The following FBN3 variants were observed in gnomAD, a reference collection of about 807,000 sequenced individuals.
FBN3 encodes the protein fibrillin 3.
FBN3 carries 234 observed loss-of-function variants against 330.1 expected under a neutral mutation model. The ratio of observed to expected loss-of-function variants is 0.71; its 90% confidence interval spans 0.64 to 0.79. FBN3 has a LOEUF of 0.79. FBN3 is among the 30% of genes least tolerant of loss of function. The pLI is 0.00. For synonymous variants in FBN3, 1,458 were observed against 1,517.3 expected, an observed-to-expected ratio of 0.96 and a Z score of 0.91; for missense variants, 3,606 against 3,886.9, an observed-to-expected ratio of 0.93 and a Z score of 1.92.
intron 54 of FBN3, among the ~76,000 whole-genome samples, 191 bp downstream of exon 54, chr19:8,086,886 T>TCC (rs755216661): frequency 6.7e-6 from 1 of 149,810 alleles, no homozygotes; most frequent in South Asian, 2.1e-4. Flanking sequence ...CCACTGCCTG[T>TCC]CCCCCCCCAC....
At position 8,096,154 on chromosome 19, in the gene FBN3, T is replaced by C; in HGVS notation, c.5540-74A>G. On this transcript the variant is annotated intron_variant, in intron 44 of 63. Transcript: ENST00000600128. The surrounding 1 kb of genome is among the most constrained non-coding windows in gnomAD (Gnocchi z 4.6). ...GGAACTTGGGGAGTGAGAGGCCAGC[T>C]GGACCTAGCACTCCTCCCCTGCACC... The C allele has an allele frequency of 8.8e-7, 1 of 1,142,034 alleles. No individual in the cohort carries two copies. The highest frequency in any genetic ancestry group is 1.3e-6 in the Non-Finnish European group (1 of 752,130). 70.7% of individuals were successfully genotyped at this position (1,142,034 alleles called of 1,614,324 possible). A position where few individuals can be genotyped will look rare whatever the true frequency, so the allele number is the denominator to read the frequency against.
rs73007464 is a variant in FBN3 at position 8,109,336 on chromosome 19, G to A, written c.4509C>T (p.Gly1503=). ...FLETHDRGDS[G]ISCSAEIGVG... Reference sequence around the variant, plus strand: ...CTCCGATCTCGGCACTGCAGGAAATGCCACTGTCCCCTCGGTCATGCGTCT... The same window carrying A: ...CTCCGATCTCGGCACTGCAGGAAATACCACTGTCCCCTCGGTCATGCGTCT... Residue 1503 remains glycine, a synonymous_variant, in exon 36 of 64, where the codon GGC becomes GGT. Transcript: ENST00000600128. The surrounding 1 kb of genome is among the most constrained non-coding windows in gnomAD (Gnocchi z 5.2). 1.2e-6 allele frequency: 2 copies of A among 1,614,056 alleles called. No homozygotes were observed. The highest frequency in any genetic ancestry group is 3.3e-5 in the Admixed American group (2 of 59,996).
chr19:8,139,270 C>A (rs1246761934), intron 8 of FBN3, among the ~76,000 whole-genome samples: 1 of 152,150 alleles, frequency 6.6e-6, no homozygotes, highest in Non-Finnish European at 1.5e-5. Flanking sequence ...TCACTTCAAC[C>A]TGGGAGGCAG....
At position 8,097,401 on chromosome 19, in the gene FBN3, A is replaced by G; in HGVS notation, c.5175T>C (p.Cys1725=). 2 of 1,596,290 alleles carry G rather than the reference A, an allele frequency of 1.3e-6. No individual in the cohort carries two copies. Among genetic ancestry groups the G allele is most frequent in the Non-Finnish European group, 1.7e-6 (2 of 1,165,244 alleles). Reference sequence around the variant, plus strand: ...TGGCACAGATGGCGGGGATCTCCCCACACTCATCAATGTCTGCAGAAGGCA... The same window carrying G: ...TGGCACAGATGGCGGGGATCTCCCCGCACTCATCAATGTCTGCAGAAGGCA... ...HTGKPLDIDE[C]GEIPAICANG... is the part of the protein sequence containing the mutation. Residue 1725 remains cysteine, a synonymous_variant, in exon 42 of 64, where the codon TGT becomes TGC. Transcript: ENST00000600128.
At chr19:8,088,235 G>A in intron 51 of FBN3, 56 bp from the exon 52 acceptor site, 1 of 1,531,898 alleles carries the variant, frequency 6.5e-7, no homozygotes, top group Non-Finnish European at 8.8e-7. Flanking sequence ...ATCCTCAGTA[G>A]CATCCCATCT....
Position 8,145,887 on chromosome 19 carries a change from G to A in FBN3, c.401C>T (p.Ser134Phe). The A allele has an allele frequency of 6.4e-7, 1 of 1,551,236 alleles. No individual in the cohort carries two copies. The highest frequency in any genetic ancestry group is 8.7e-7 in the Non-Finnish European group (1 of 1,146,996). The change falls in exon 5 of 64, where the codon TCC becomes TTC. Residue 134 changes from serine to phenylalanine, a missense_variant. Coordinates refer to ENST00000600128, the MANE Select transcript of FBN3 (RefSeq NM_032447.5). ...CMNGGTCRGA[S>F]CLCQKGYTGT... ...TGTGTAGCCCTTCTGACACAGACAG[G>A]ACGCCCCCCGGCAGGTGCCCCCATT...
chr19:8,123,766 C>T lies in FBN3; in HGVS notation c.2956+18G>A, dbSNP rs775759495. 3.0e-5 allele frequency: 48 copies of T among 1,612,398 alleles called. No individual in the cohort carries two copies. The East Asian group carries it at 1.0e-3, about 35-fold the overall frequency. ...CCTCCCCATCCTTCCAGGGGCCTGA[C>T]CCCTTCCCCAACCGCACCTTTATAG... On this transcript the variant is annotated intron_variant, in intron 23 of 63. Coordinates refer to ENST00000600128, the MANE Select transcript of FBN3 (RefSeq NM_032447.5).
At chr19:8,102,193 T>C (rs1452002462) in intron 40 of FBN3, among the ~76,000 whole-genome samples, 3 of 151,880 alleles carry the variant, frequency 2.0e-5, no homozygotes, top group East Asian at 1.9e-4. Context: ...TGCGAGTCCA[T>C]TAAAGTCCTC....
At chr19:8,091,944 G>C (rs1361639699) in intron 47 of FBN3, among the ~76,000 whole-genome samples, 2 of 152,192 alleles carry the variant, frequency 1.3e-5, no homozygotes, top group African/African-American at 2.4e-5. Context: ...CACTTTGGGA[G>C]GTGGAGGCGG....
chr19:8,137,202 C>A (rs887511401), intron 10 of FBN3, among the ~76,000 whole-genome samples: 1 of 151,638 alleles, frequency 6.6e-6, no homozygotes, highest in Non-Finnish European at 1.5e-5. Context: ...TAGATCCCTC[C>A]AACCTGGGGC....
intron 51 of FBN3, among the ~76,000 whole-genome samples, chr19:8,088,548 T>C (rs1251339110): frequency 1.3e-5 from 2 of 151,922 alleles, no homozygotes; most frequent in Admixed American, 6.6e-5. Flanking sequence ...AAAAAACATA[T>C]AAATGAGTAA....
At chr19:8,082,376 TTCTC>T (rs1359347576) in intron 57 of FBN3, among the ~76,000 whole-genome samples, 6 of 138,042 alleles carry the variant, frequency 4.3e-5, no homozygotes, top group African/African-American at 1.8e-4. Context: ...TTTTCTTTCT[TTCTC>T]TTCTTTCTTC....
intron 48 of FBN3, 38 bp from the exon 49 acceptor site, chr19:8,090,289 G>T (rs12459760): frequency 1.2e-6 from 2 of 1,609,360 alleles, no homozygotes; most frequent in Non-Finnish European, 1.7e-6. Flanking sequence ...ATTGAAAGCC[G>T]CTGGCAGTGC....
Position 8,087,939 on chromosome 19 carries a change from C to T in FBN3, c.6505G>A (p.Glu2169Lys), listed in dbSNP as rs144478192. 1.8e-5 allele frequency: 29 copies of T among 1,613,972 alleles called. No homozygotes were observed. The African/African-American group carries it at 2.4e-4, about 13-fold the overall frequency. The change falls in exon 53 of 64, where the codon GAA (glutamate) becomes AAA (lysine). Residue 2169 changes from glutamate (E) to lysine (K), a missense_variant. Physicochemically the swap from Glu to Lys is moderately conservative, Grantham distance 56. Coordinates refer to ENST00000600128, the MANE Select transcript of FBN3 (RefSeq NM_032447.5). ...GLMMTCEDID[E>K]CSLNPLLCAF... ...CAGAGCAGCGGGTTCAGGGAGCATT[C>T]GTCGATGTCTGGGGAGGCCAGTGGA...
At chr19:8,123,712 C>T in intron 23 of FBN3, 72 bp downstream of exon 23, 1 of 1,594,778 alleles carries the variant, frequency 6.3e-7, no homozygotes, top group Non-Finnish European at 8.6e-7. Flanking sequence ...ACACACTTCC[C>T]ATCTCCAGGC....
intron 12 of FBN3, 26 bp downstream of exon 12, chr19:8,136,164 C>T: frequency 6.2e-7 from 1 of 1,613,596 alleles, no homozygotes; most frequent in African/African-American, 1.3e-5. Flanking sequence ...ACAACATCAC[C>T]CCTACTCTTG....
Position 8,118,924 on chromosome 19 carries a change from G to A in FBN3, c.3310C>T (p.Leu1104=), listed in dbSNP as rs112174176. The A allele has an allele frequency of 6.9e-4, 1,117 of 1,613,096 alleles. 14 individuals are homozygous for A. The African/African-American group carries it at 0.013, about 19-fold the overall frequency. ...TCACAGGCAGTGCCCTTGGCCGTCAGCTCATGCCCAGGGGGACACTGGCAC... is the reference window on the plus strand; with the variant it reads ...TCACAGGCAGTGCCCTTGGCCGTCAACTCATGCCCAGGGGGACACTGGCAC... ...YKCQCPPGHE[L]TAKGTACEDI... is the part of the protein sequence containing the mutation. The change falls in exon 26 of 64, where the codon CTG becomes TTG. Residue 1104 remains leucine, a synonymous_variant. Coordinates refer to ENST00000600128, the MANE Select transcript of FBN3 (RefSeq NM_032447.5).
chr19:8,123,025 C>A (rs1405298801), intron 24 of FBN3, among the ~76,000 whole-genome samples: 2 of 151,938 alleles, frequency 1.3e-5, no homozygotes, highest in African/African-American at 4.8e-5. Context: ...TGCCCTAGGT[C>A]ACACAGCACA....
At chr19:8,101,966 CAT>C (rs908998654) in intron 40 of FBN3, among the ~76,000 whole-genome samples, 1 of 152,248 alleles carries the variant, frequency 6.6e-6, no homozygotes, top group South Asian at 2.1e-4. Flanking sequence ...CATATCCCCA[CAT>C]GTCACGGGAG....
Sources: allele counts gnomAD v4.1 joint callset (sites outside exome capture counted in the v4.1 genomes callset), GRCh38; gene constraint gnomAD v4.1.1; non-coding constraint Gnocchi (gnomAD v3.1); transcripts MANE v1.5; gene names NCBI Gene and HGNC (gene_info 2026-07-23, HGNC 2026-07-21).